KIF26B: variants seen among roughly 807,000 people sequenced by gnomAD.
KIF26B encodes the protein kinesin family member 26B.
In KIF26B, 63 loss-of-function variants were observed where a neutral mutation model predicts 151.2. The observed-to-expected ratio is 0.42, with a 90% confidence interval of 0.34 to 0.51. The LOEUF is 0.51. Among genes scored for constraint, KIF26B ranks in the 20% least tolerant of loss-of-function variants. KIF26B has a pLI of 0.07. For missense variants in KIF26B, 2,813 were observed against 2,913.6 expected (o/e 0.97, Z 0.79); for synonymous variants, 1,357 against 1,262.1 (o/e 1.08, Z -1.59).
intron 4 of KIF26B, among the ~76,000 whole-genome samples, chr1:245,433,301 TA>T (rs61267121): frequency 0.87 from 126,392 of 145,146 alleles, 54,923 homozygotes; most frequent in South Asian, 0.95. Flanking sequence ...CCATCTCTAC[TA>T]AAAAAAAAAA....
chr1:245,624,502 C>T lies in KIF26B; in HGVS notation c.2098+12526C>T, dbSNP rs148849345. Among the ~76,000 whole-genome samples the T allele has an allele frequency of 6.6e-5, 10 of 152,298 alleles. No homozygotes were observed. In the East Asian group the frequency reaches 1.2e-3, roughly 18 times the overall value. On this transcript the variant is annotated intron_variant, in intron 9 of 14. Coordinates refer to ENST00000407071, the MANE Select transcript of KIF26B (RefSeq NM_018012.4). ...TGTCTTGTGGTTTTAGTTTGCACTT[C>T]GCTAATGACCAATGATGCCAAGCAT...
rs114887415 is a variant in KIF26B, at chr1:245,352,636, C to A, written c.466-14198C>A. On this transcript the variant is annotated intron_variant, in intron 2 of 14. Transcript: ENST00000407071. The surrounding 1 kb of genome is among the most constrained non-coding windows in gnomAD (Gnocchi z 5.0). ...TTTGTCATTTTAATCCTTTTTTGGACCACAACAATCACTTTACGAACATTT... is the reference window on the plus strand; with the variant it reads ...TTTGTCATTTTAATCCTTTTTTGGAACACAACAATCACTTTACGAACATTT... Among the ~76,000 whole-genome samples, 1,936 of 152,096 alleles carry A rather than the reference C, an allele frequency of 0.013. 18 individuals are homozygous for A. The highest frequency in any genetic ancestry group is 0.017 in the Middle Eastern group (5 of 294).
intron 2 of KIF26B, among the ~76,000 whole-genome samples, chr1:245,290,144 A>G (rs1309069831): frequency 6.6e-6 from 1 of 151,804 alleles, no homozygotes; most frequent in Non-Finnish European, 1.5e-5. Flanking sequence ...TACAGAGCCT[A>G]GCATTCAGTA....
chr1:245,696,372 A>G (rs925642065), intron 12 of KIF26B, among the ~76,000 whole-genome samples: 1 of 152,174 alleles, frequency 6.6e-6, no homozygotes, highest in Non-Finnish European at 1.5e-5. Flanking sequence ...TGGAAGCTTC[A>G]ACCTCAGTCA....
At chr1:245,224,766 T>C (rs1419857228) in intron 2 of KIF26B, among the ~76,000 whole-genome samples, 2 of 152,260 alleles carry the variant, frequency 1.3e-5, no homozygotes, top group African/African-American at 2.4e-5. Flanking sequence ...TATACAGTTA[T>C]ACACAGGTAA....
chr1:245,228,801 C>T (rs914230308), intron 2 of KIF26B, among the ~76,000 whole-genome samples: 19 of 152,174 alleles, frequency 1.2e-4, no homozygotes, highest in African/African-American at 4.6e-4. Flanking sequence ...GGAGGCTGCA[C>T]GCCTAGTAGT....
intron 4 of KIF26B, among the ~76,000 whole-genome samples, chr1:245,530,864 C>T (rs1407225608): frequency 6.6e-6 from 1 of 152,206 alleles, no homozygotes; most frequent in African/African-American, 2.4e-5. Context: ...ATATTTATAG[C>T]TTATTGATTG....
intron 10 of KIF26B, among the ~76,000 whole-genome samples, chr1:245,647,530 C>T (rs1318802412): frequency 2.0e-5 from 3 of 152,030 alleles, no homozygotes; most frequent in Non-Finnish European, 4.4e-5. Flanking sequence ...CTAGTCAAGC[C>T]TATCCTCACC....
rs1317711358 is a variant in KIF26B at position 245,225,641 on chromosome 1, C to T, written c.465+68958C>T. 6.6e-5 allele frequency among the ~76,000 whole-genome samples: 10 copies of T among 152,290 alleles called. 1 individual carries two copies. The South Asian group carries it at 2.1e-3, about 32-fold the overall frequency. On this transcript the variant is annotated intron_variant, in intron 2 of 14. Transcript: ENST00000407071. Reference sequence around the variant, plus strand: ...GGGGTTCTTCCCTCGTCTTCCAAGTCCTGTGCAGGTGGCTGGAGGCCAGAG... The same window carrying T: ...GGGGTTCTTCCCTCGTCTTCCAAGTTCTGTGCAGGTGGCTGGAGGCCAGAG...
At chr1:245,689,250 A>G (rs2044589501) in intron 12 of KIF26B, among the ~76,000 whole-genome samples, 1 of 152,192 alleles carries the variant, frequency 6.6e-6, no homozygotes, top group Non-Finnish European at 1.5e-5. Context: ...TCAACAACCA[A>G]GGATCCTGTG....
intron 2 of KIF26B, among the ~76,000 whole-genome samples, chr1:245,185,242 G>A (rs143773514): frequency 7.9e-5 from 12 of 151,714 alleles, no homozygotes; most frequent in Non-Finnish European, 5.9e-5. Flanking sequence ...GGGTTCCAGC[G>A]ATTCTCCTGC....
chr1:245,457,013 A>G (rs1028725107), intron 4 of KIF26B, among the ~76,000 whole-genome samples: 3 of 152,154 alleles, frequency 2.0e-5, no homozygotes, highest in Non-Finnish European at 4.4e-5. Flanking sequence ...CCACAGCTGC[A>G]TGCTACCATG....
intron 2 of KIF26B, among the ~76,000 whole-genome samples, chr1:245,345,804 G>C (rs1261024834): frequency 6.6e-6 from 1 of 152,058 alleles, no homozygotes; most frequent in Non-Finnish European, 1.5e-5. Context: ...GCCGCGATTG[G>C]AAGCTGCCTG....
At chr1:245,273,188 C>A (rs763490065) in intron 2 of KIF26B, among the ~76,000 whole-genome samples, 1 of 151,602 alleles carries the variant, frequency 6.6e-6, no homozygotes, top group East Asian at 1.9e-4. Context: ...CCGAGGTGGG[C>A]GGATCACTTG....
chr1:245,254,490 G>A (rs570396796), intron 2 of KIF26B, among the ~76,000 whole-genome samples: 8 of 152,216 alleles, frequency 5.3e-5, no homozygotes, highest in South Asian at 2.1e-4. Flanking sequence ...CATTCTTTTC[G>A]AATGATGACT....
At chr1:245,242,789 T>C (rs936014936) in intron 2 of KIF26B, among the ~76,000 whole-genome samples, 5 of 152,182 alleles carry the variant, frequency 3.3e-5, no homozygotes, top group Non-Finnish European at 7.4e-5. Context: ...GTAGCTGGGA[T>C]TACAGGCACG....
chr1:245,310,126 T>C (rs905315103), intron 2 of KIF26B, among the ~76,000 whole-genome samples: 15 of 149,072 alleles, frequency 1.0e-4, no homozygotes, highest in African/African-American at 3.4e-4. Flanking sequence ...TATATAAATA[T>C]CTCTCACTAT....
At chr1:245,368,141 C>T (rs1673007805) in intron 3 of KIF26B, among the ~76,000 whole-genome samples, 1 of 151,872 alleles carries the variant, frequency 6.6e-6, no homozygotes, top group Admixed American at 6.6e-5. Flanking sequence ...CCTCCCTTGA[C>T]AGACCCAAAT....
chr1:245,349,557 T>A (rs999462144), intron 2 of KIF26B, among the ~76,000 whole-genome samples: 1 of 118,582 alleles, frequency 8.4e-6, no homozygotes, highest in South Asian at 2.5e-4. Flanking sequence ...AGAAATAAAC[T>A]TCAAAAAAAA....
Sources: gnomAD v4.1 joint callset for allele counts (sites outside exome capture counted in the v4.1 genomes callset) on GRCh38, gnomAD v4.1.1 for gene constraint, Gnocchi (gnomAD v3.1) non-coding constraint, MANE v1.5 for transcripts, NCBI Gene and HGNC (gene_info 2026-07-23, HGNC 2026-07-21) for gene names.